The following RBMS3 variants were observed in gnomAD, a reference collection of about 807,000 sequenced individuals.
RBMS3 encodes RNA binding motif single stranded interacting protein 3.
RBMS3 carries 27 observed loss-of-function variants against 66.8 expected under a neutral mutation model. The ratio of observed to expected loss-of-function variants is 0.40; its 90% CI spans 0.30 to 0.56. RBMS3 has a LOEUF of 0.56. Among genes scored for constraint, RBMS3 ranks in the 20% least tolerant of loss-of-function variants. The probability of loss-of-function intolerance (pLI) is 0.40; values close to 1 mark genes in which losing one functional copy is unlikely to be tolerated. For synonymous variants in RBMS3, 188 were observed against 183.0 expected (o/e 1.03, Z -0.22); for missense variants, 513 against 549.5 (o/e 0.93, Z 0.66).
chr3:29,413,417 CAT>C (rs10587369), intron 1 of RBMS3, among the ~76,000 whole-genome samples: 5,293 of 118,396 alleles, frequency 0.045, 291 homozygotes, highest in African/African-American at 0.13. Flanking sequence ...TACATACATA[CAT>C]ACATACACAG....
intron 2 of RBMS3, among the ~76,000 whole-genome samples, chr3:29,451,394 C>A (rs1169379242): frequency 6.6e-6 from 1 of 152,100 alleles, no homozygotes; most frequent in Non-Finnish European, 1.5e-5. Flanking sequence ...CTAACTCCCC[C>A]CTTTCTAGGC....
chr3:29,612,949 G>T (rs2048541008), intron 4 of RBMS3, among the ~76,000 whole-genome samples: 1 of 151,904 alleles, frequency 6.6e-6, no homozygotes, highest in Non-Finnish European at 1.5e-5. Context: ...TAATTTTTAA[G>T]GACATGAAAT....
chr3:29,931,884 A>C (rs1444069701), intron 10 of RBMS3, among the ~76,000 whole-genome samples: 1 of 152,224 alleles, frequency 6.6e-6, no homozygotes, highest in Non-Finnish European at 1.5e-5. Context: ...TAGTGACTTA[A>C]AACCACCTTT....
chr3:29,615,279 G>A (rs2048627286), intron 4 of RBMS3: 1 of 152,208 alleles, frequency 6.6e-6, no homozygotes, highest in Non-Finnish European at 1.5e-5. Context: ...AACTGTGGAA[G>A]ATGAGAGCTG....
chr3:29,842,513 A>G (rs904939707), intron 6 of RBMS3, among the ~76,000 whole-genome samples: 4 of 152,126 alleles, frequency 2.6e-5, no homozygotes, highest in African/African-American at 9.7e-5. Context: ...AGTAATTACT[A>G]TTATTATTAT....
At chr3:29,847,708 T>G (rs2058819083) in intron 6 of RBMS3, among the ~76,000 whole-genome samples, 1 of 151,958 alleles carries the variant, frequency 6.6e-6, no homozygotes. Flanking sequence ...CAGGCTGGAG[T>G]GCAGTGGCGC....
chr3:29,587,227 GTTTTTTT>G (rs537893659), intron 4 of RBMS3, 22 bp downstream of exon 4: 53 of 213,426 alleles, frequency 2.5e-4, no homozygotes, highest in African/African-American at 2.1e-3. Context: ...GTTTAGGGGT[GTTTTTTT>G]TTTTTTTTTT....
intron 4 of RBMS3, chr3:29,614,276 A>G (rs1404467085): frequency 6.6e-6 from 1 of 152,160 alleles, no homozygotes. Flanking sequence ...AAAGCATAAG[A>G]GCAGAGAGTA....
intron 2 of RBMS3, among the ~76,000 whole-genome samples, chr3:29,474,766 G>C (rs910798822): frequency 1.3e-5 from 2 of 152,172 alleles, no homozygotes; most frequent in Non-Finnish European, 2.9e-5. Context: ...TTATAGAGGA[G>C]ACCATTAAAC....
At chr3:29,496,568 G>A (rs972617016) in intron 3 of RBMS3, among the ~76,000 whole-genome samples, 3 of 152,064 alleles carry the variant, frequency 2.0e-5, no homozygotes, top group Admixed American at 6.6e-5. Context: ...AGCCAAGTTC[G>A]GAAAGAATAT....
chr3:29,853,160 G>A (rs2058978904), intron 6 of RBMS3, among the ~76,000 whole-genome samples: 1 of 152,138 alleles, frequency 6.6e-6, no homozygotes, highest in Non-Finnish European at 1.5e-5. Context: ...CTCTCAGAGA[G>A]TGGAGGGTGG....
chr3:29,343,592 T>A (rs1158375253), intron 1 of RBMS3, among the ~76,000 whole-genome samples: 1 of 152,176 alleles, frequency 6.6e-6, no homozygotes, highest in Non-Finnish European at 1.5e-5. Context: ...AAAAAAATGT[T>A]CCTAACTTCA....
intron 4 of RBMS3, among the ~76,000 whole-genome samples, chr3:29,646,990 T>C (rs1213693826): frequency 6.6e-6 from 1 of 152,146 alleles, no homozygotes; most frequent in Non-Finnish European, 1.5e-5. Flanking sequence ...TTCTTTCTTT[T>C]CCCTTGAGAC....
chr3:29,710,954 C>T (rs1267869287), intron 4 of RBMS3, among the ~76,000 whole-genome samples: 1 of 152,134 alleles, frequency 6.6e-6, no homozygotes, highest in African/African-American at 2.4e-5. Context: ...TGAGCACCTA[C>T]TATGTGTCAG....
chr3:29,742,567 C>T (rs1376484804), intron 5 of RBMS3, among the ~76,000 whole-genome samples: 10 of 152,280 alleles, frequency 6.6e-5, no homozygotes, highest in Admixed American at 3.3e-4. Context: ...AAGAATTTTT[C>T]GCTGACCTCC....
chr3:29,311,214 T>C (rs1289835810), intron 1 of RBMS3, among the ~76,000 whole-genome samples: 3 of 151,798 alleles, frequency 2.0e-5, no homozygotes, highest in African/African-American at 7.2e-5. Context: ...GTTTGTTTGT[T>C]AGGTTCTCTT....
At chr3:29,636,038 ATGTGTGTGTG>A (rs10565409) in intron 4 of RBMS3, among the ~76,000 whole-genome samples, 4 of 145,346 alleles carry the variant, frequency 2.8e-5, no homozygotes, top group East Asian at 2.1e-4. Context: ...GTCATCAAGA[ATGTGTGTGTG>A]TGTGTGTGTG....
At chr3:29,466,246 C>A (rs531553755) in intron 2 of RBMS3, among the ~76,000 whole-genome samples, 1 of 151,902 alleles carries the variant, frequency 6.6e-6, no homozygotes. Flanking sequence ...ACTATTGCAA[C>A]GGCAGCTGAA....
chr3:29,571,609 T>A (rs2046956105), intron 3 of RBMS3, among the ~76,000 whole-genome samples: 1 of 152,030 alleles, frequency 6.6e-6, no homozygotes, highest in Admixed American at 6.5e-5. Flanking sequence ...CTTGTAGATT[T>A]TCTATTATGT....
Sources: allele counts gnomAD v4.1 joint callset (sites outside exome capture counted in the v4.1 genomes callset), GRCh38; gene constraint gnomAD v4.1.1; transcripts MANE v1.5; gene names NCBI Gene and HGNC (gene_info 2026-07-23, HGNC 2026-07-21).